Variants in MAGI2 observed in about 807,000 individuals in gnomAD.
The protein encoded by MAGI2 is membrane-associated guanylate kinase, WW and PDZ domain-containing protein 2.
Under a neutral mutation model 133.3 loss-of-function variants are expected in MAGI2, and 35 were observed. The observed-to-expected ratio is 0.26, with a 90% CI of 0.20 to 0.35. The LOEUF is 0.35. Ranked by LOEUF, MAGI2 falls within the 10% of genes least tolerant of loss-of-function variation. The pLI, the probability that MAGI2 is intolerant of heterozygous loss-of-function variation, is 1.00. For missense variants in MAGI2, 1,636 were observed against 1,863.4 expected, an observed-to-expected ratio of 0.88 and a Z score of 2.25; for synonymous variants, 729 against 710.6, an observed-to-expected ratio of 1.03 and a Z score of -0.41.
intron 10 of MAGI2, among the ~76,000 whole-genome samples, chr7:78,209,375 T>G (rs527995213): frequency 4.6e-4 from 68 of 148,544 alleles, no homozygotes; most frequent in African/African-American, 1.7e-3. Flanking sequence ...CATTCTCCTG[T>G]CTCAGCCTCC....
intron 6 of MAGI2, among the ~76,000 whole-genome samples, chr7:78,468,717 C>A (rs1790893899): frequency 6.6e-6 from 1 of 152,070 alleles, no homozygotes; most frequent in Non-Finnish European, 1.5e-5. Context: ...TGCCAAACCA[C>A]AATTGGGAGG....
intron 1 of MAGI2, among the ~76,000 whole-genome samples, chr7:79,285,314 G>GT (rs899764182): frequency 6.6e-6 from 1 of 151,982 alleles, no homozygotes; most frequent in Non-Finnish European, 1.5e-5. Context: ...CTTTTTTAAA[G>GT]TTTTTTCTGT....
At chr7:79,244,640 T>A (rs975465247) in intron 1 of MAGI2, among the ~76,000 whole-genome samples, 6 of 152,200 alleles carry the variant, frequency 3.9e-5, no homozygotes, top group Admixed American at 1.3e-4. Context: ...CTCAGGCTAA[T>A]GACTCTGGAG....
chr7:78,151,436 C>T (rs1296886821), intron 16 of MAGI2, among the ~76,000 whole-genome samples: 1 of 152,094 alleles, frequency 6.6e-6, no homozygotes, highest in African/African-American at 2.4e-5. Context: ...ATGACGGTTC[C>T]AAGGGTTGGT....
At position 78,245,159 on chromosome 7, in the gene MAGI2, C is replaced by T. The variant is rs116060887; in HGVS notation, c.2047+10784G>A. Among the ~76,000 whole-genome samples the T allele has an allele frequency of 8.7e-3, 1,318 of 152,216 alleles. 20 individuals are homozygous for T. Among genetic ancestry groups the T allele is most frequent in the African/African-American group, 0.03 (1,249 of 41,520 alleles). On this transcript the variant is annotated intron_variant, in intron 10 of 21. Coordinates refer to ENST00000354212, the MANE Select transcript of MAGI2 (RefSeq NM_012301.4). ...ACCATGAAATGAACTGAAAAAATTA[C>T]GAGAAACACTAAGATAACTCAGTAA...
intron 3 of MAGI2, chr7:78,616,525 A>G (rs867390500): frequency 1.7e-4 from 26 of 152,106 alleles, no homozygotes; most frequent in African/African-American, 6.3e-4. Context: ...TATACTATGA[A>G]TTAGTGTAGG....
chr7:78,922,221 T>C (rs1159302475), intron 2 of MAGI2, among the ~76,000 whole-genome samples: 1 of 151,788 alleles, frequency 6.6e-6, no homozygotes, highest in Non-Finnish European at 1.5e-5. Flanking sequence ...CTTTAAGTTT[T>C]AGGGTACATG....
At chr7:78,672,847 C>T (rs1814554605) in intron 2 of MAGI2, among the ~76,000 whole-genome samples, 1 of 152,152 alleles carries the variant, frequency 6.6e-6, no homozygotes, top group Non-Finnish European at 1.5e-5. Flanking sequence ...CCTTAGAAGG[C>T]CTGACCTCTT....
intron 2 of MAGI2, among the ~76,000 whole-genome samples, chr7:78,867,964 C>G (rs1027137062): frequency 1.3e-5 from 2 of 150,330 alleles, no homozygotes; most frequent in Non-Finnish European, 3.0e-5. Flanking sequence ...AAGAGGGGGA[C>G]CAACGAAGAG....
chr7:78,237,985 G>A lies in MAGI2; in HGVS notation c.2047+17958C>T, dbSNP rs1461428222. On this transcript the variant is annotated intron_variant, in intron 10 of 21. Coordinates refer to ENST00000354212, the MANE Select transcript of MAGI2 (RefSeq NM_012301.4). ...ATTTGATCCTGTTGCCAAATCCAAA[G>A]CTACCTTCTCCGTCCTATTTTACTC... 3.9e-5 allele frequency among the ~76,000 whole-genome samples: 6 copies of A among 152,228 alleles called. No homozygotes were observed. In the East Asian group the frequency reaches 7.7e-4, roughly 20 times the overall value.
chr7:78,721,868 T>A (rs377395524), intron 2 of MAGI2, among the ~76,000 whole-genome samples: 2 of 151,674 alleles, frequency 1.3e-5, no homozygotes, highest in East Asian at 3.9e-4. Flanking sequence ...TAAGGTAGAG[T>A]GAAGTAACAT....
At chr7:79,246,674 A>C (rs950256105) in intron 1 of MAGI2, among the ~76,000 whole-genome samples, 3 of 152,170 alleles carry the variant, frequency 2.0e-5, no homozygotes, top group African/African-American at 7.2e-5. Context: ...AAGCCTCAAA[A>C]GGGCAAAGAG....
chr7:78,271,447 T>C (rs144152451), intron 9 of MAGI2, among the ~76,000 whole-genome samples: 3 of 152,240 alleles, frequency 2.0e-5, no homozygotes, highest in African/African-American at 7.2e-5. Flanking sequence ...AGGTTTTGGT[T>C]TCAGAATGAT....
At chr7:79,305,165 T>C (rs1214126149) in intron 1 of MAGI2, among the ~76,000 whole-genome samples, 1 of 152,176 alleles carries the variant, frequency 6.6e-6, no homozygotes, top group East Asian at 1.9e-4. Flanking sequence ...CTGTCAGTTC[T>C]TAAAGAATTT....
chr7:78,720,810 A>G (rs181380399), intron 2 of MAGI2, among the ~76,000 whole-genome samples: 435 of 152,210 alleles, frequency 2.9e-3, no homozygotes, highest in African/African-American at 9.9e-3. Context: ...TTATTTCTCA[A>G]AGGTAAGAAA....
chr7:79,098,077 G>T (rs924553358), intron 1 of MAGI2, among the ~76,000 whole-genome samples: 1 of 152,096 alleles, frequency 6.6e-6, no homozygotes, highest in East Asian at 1.9e-4. Flanking sequence ...AGCCAAGATG[G>T]CACCTCTGCA....
chr7:78,977,423 G>C (rs1446685656), intron 2 of MAGI2, among the ~76,000 whole-genome samples: 1 of 150,220 alleles, frequency 6.7e-6, no homozygotes, highest in Non-Finnish European at 1.5e-5. Context: ...CAGAGAGAGA[G>C]AGAGAGAGAA....
intron 3 of MAGI2, among the ~76,000 whole-genome samples, chr7:78,527,122 T>C (rs150383186): frequency 6.7e-6 from 1 of 150,156 alleles, no homozygotes; most frequent in African/African-American, 2.4e-5. Flanking sequence ...AATAAAAACA[T>C]TTAATAAATG....
chr7:78,937,929 A>G (rs1448243696), intron 2 of MAGI2, among the ~76,000 whole-genome samples: 1 of 152,212 alleles, frequency 6.6e-6, no homozygotes, highest in African/African-American at 2.4e-5. Flanking sequence ...CCTGACACAT[A>G]GAAACTGCTC....
Sources: allele counts gnomAD v4.1 joint callset (sites outside exome capture counted in the v4.1 genomes callset), GRCh38; gene constraint gnomAD v4.1.1; transcripts MANE v1.5; gene names NCBI Gene and HGNC (gene_info 2026-07-23, HGNC 2026-07-21).